Variants in ZNRF2 observed in about 807,000 individuals in gnomAD.
The protein encoded by ZNRF2 is E3 ubiquitin-protein ligase ZNRF2.
A neutral mutation model predicts 20.4 loss-of-function variants in ZNRF2; 16 were observed. That is an observed-to-expected ratio of 0.79 (90% CI 0.53 to 1.19). The LOEUF (loss-of-function observed/expected upper bound fraction) is 1.19, where lower values mean the gene tolerates loss of function less well. ZNRF2 is among the 50% of genes most tolerant of loss of function. ZNRF2 has a pLI of 0.00. For missense variants in ZNRF2, 363 were observed against 332.4 expected (o/e 1.09, Z -0.72); for synonymous variants, 178 against 144.9 (o/e 1.23, Z -1.64).
intron 3 of ZNRF2, among the ~76,000 whole-genome samples, chr7:30,357,565 CAAAG>C (rs1311927466): frequency 6.6e-6 from 1 of 151,546 alleles, no homozygotes; most frequent in African/African-American, 2.4e-5. Context: ...AGAATAAACA[CAAAG>C]AAAATAGAAA....
chr7:30,344,679 C>T (rs1410656650), intron 2 of ZNRF2, among the ~76,000 whole-genome samples: 2 of 152,178 alleles, frequency 1.3e-5, no homozygotes, highest in Non-Finnish European at 2.9e-5. Context: ...ATTCAGCTGC[C>T]ACTGCTAATC....
At chr7:30,324,797 T>C (rs1035357631) in intron 2 of ZNRF2, among the ~76,000 whole-genome samples, 2 of 152,150 alleles carry the variant, frequency 1.3e-5, no homozygotes, top group Non-Finnish European at 2.9e-5. Flanking sequence ...ATGGTTGAAA[T>C]TGCAACTTTT....
rs115857913 is a variant in ZNRF2 at position 30,332,680 on chromosome 7, C to G, written c.565+8943C>G. Among the ~76,000 whole-genome samples the G allele has an allele frequency of 8.7e-3, 1,321 of 152,254 alleles. 22 individuals are homozygous for G. The highest frequency in any genetic ancestry group is 0.03 in the African/African-American group (1,230 of 41,548). On this transcript the variant is annotated intron_variant, in intron 2 of 4. Coordinates refer to ENST00000323037, the MANE Select transcript of ZNRF2 (RefSeq NM_147128.4). ...TTAGTATAATGGCCTCTAGCTGCAT[C>G]CATATTGCTGCAAATGATATTGTTT... is the stretch of plus-strand genomic sequence containing the variant.
At chr7:30,349,278 G>A (rs1305417751) in intron 2 of ZNRF2, among the ~76,000 whole-genome samples, 1 of 152,120 alleles carries the variant, frequency 6.6e-6, no homozygotes, top group Non-Finnish European at 1.5e-5. Flanking sequence ...GCTCAAGCCT[G>A]TTCTTTTTCC....
rs189289415 is a variant in ZNRF2 at position 30,314,325 on chromosome 7, A to G, written c.470-9317A>G. 6.7e-3 allele frequency among the ~76,000 whole-genome samples: 1,011 copies of G among 151,918 alleles called. 16 individuals carry two copies. Among genetic ancestry groups the G allele is most frequent in the African/African-American group, 0.024 (972 of 41,188 alleles). ...TATGGGGCACACGTAACATTACATTACATAACATAACATTGTACAACATAG... is the reference window on the plus strand; with the variant it reads ...TATGGGGCACACGTAACATTACATTGCATAACATAACATTGTACAACATAG... On this transcript the variant is annotated intron_variant, in intron 1 of 4. Transcript: ENST00000323037.
rs144218944 is a variant in ZNRF2, at chr7:30,323,935, GT to G, written c.565+203del. On this transcript the variant is annotated intron_variant, in intron 2 of 4. Transcript: ENST00000323037. ...AAAAAATTACTGAGGACTTCAAAGA[GT>G]TTTTCTTTACTTGGGTTATATCTAT... Among the ~76,000 whole-genome samples, 1,185 of 152,066 alleles carry G rather than the reference GT, an allele frequency of 7.8e-3. 14 individuals are homozygous for G. The highest frequency in any genetic ancestry group is 0.026 in the African/African-American group (1,076 of 41,480).
Position 30,366,657 on chromosome 7 carries a change from TTTAAA to T in ZNRF2, c.*651_*655del, listed in dbSNP as rs1355772121. On this transcript the variant is annotated 3_prime_UTR_variant, in exon 5 of 5. Transcript: ENST00000323037. ...AGGAAAGCTAAAATATGTTAATATT[TTTAAA>T]TTAAAGGTTTAATATCAGAATGCAG... 1.3e-5 allele frequency: 2 copies of T among 152,564 alleles called. No homozygotes were observed. Among genetic ancestry groups the T allele is most frequent in the Non-Finnish European group, 2.9e-5 (2 of 67,986 alleles). The allele number at this position is 152,564 out of a possible 1,614,324, so 9.5% of individuals were successfully genotyped here. A position where few individuals can be genotyped will look rare whatever the true frequency, so the allele number is the denominator to read the frequency against.
At chr7:30,304,512 A>G (rs936656919) in intron 1 of ZNRF2, among the ~76,000 whole-genome samples, 4 of 152,232 alleles carry the variant, frequency 2.6e-5, no homozygotes, top group African/African-American at 7.2e-5. Flanking sequence ...TAGGAAACTT[A>G]AAAATGCTTG....
chr7:30,292,921 C>CAG (rs1490845717), intron 1 of ZNRF2, among the ~76,000 whole-genome samples: 1 of 152,054 alleles, frequency 6.6e-6, no homozygotes, highest in East Asian at 1.9e-4. Context: ...TATTTTTGTG[C>CAG]AGAGGATTGA....
intron 1 of ZNRF2, among the ~76,000 whole-genome samples, chr7:30,313,353 C>G (rs1404253453): frequency 6.6e-6 from 1 of 152,102 alleles, no homozygotes; most frequent in South Asian, 2.1e-4. Context: ...ATCTAAGACC[C>G]AGGTGAAACT....
At chr7:30,285,934 C>T (rs1798779365) in intron 1 of ZNRF2, 108 bp downstream of exon 1, 1 of 1,327,368 alleles carries the variant, frequency 7.5e-7, no homozygotes, top group African/African-American at 1.5e-5. Flanking sequence ...GCCGGGGCGC[C>T]GGGGGCTGCC....
chr7:30,333,036 A>G lies in ZNRF2; in HGVS notation c.565+9299A>G, dbSNP rs565301224. Among the ~76,000 whole-genome samples the G allele has an allele frequency of 3.4e-5, 5 of 147,908 alleles. No individual in the cohort carries two copies. The South Asian group carries it at 1.1e-3, about 32-fold the overall frequency. ...TTGCCTTTGCTCCATATCCTCACCA[A>G]CCTCTGTTATATTTTGACTTTTTTT... On this transcript the variant is annotated intron_variant, in intron 2 of 4. Transcript: ENST00000323037.
chr7:30,289,560 C>A (rs920324264), intron 1 of ZNRF2, among the ~76,000 whole-genome samples: 4 of 152,186 alleles, frequency 2.6e-5, no homozygotes, highest in African/African-American at 9.6e-5. Flanking sequence ...AGCCTTCTAA[C>A]CACAACCCCT....
chr7:30,353,456 C>T (rs977455957), intron 2 of ZNRF2, among the ~76,000 whole-genome samples: 20 of 152,120 alleles, frequency 1.3e-4, no homozygotes, highest in Non-Finnish European at 2.4e-4. Flanking sequence ...ATGACTTTAA[C>T]CCAGCATTCT....
Position 30,285,235 on chromosome 7 carries a change from A to C in ZNRF2, c.-123A>C. 1 of 721,856 alleles carries C rather than the reference A, an allele frequency of 1.4e-6. No individual in the cohort carries two copies. The highest frequency in any genetic ancestry group is 1.8e-6 in the Non-Finnish European group (1 of 547,394). The allele number at this position is 721,856 out of a possible 1,614,324, so 44.7% of individuals were successfully genotyped here. ...TCTGGACGCCGGGCGGCGGCCCTGG[A>C]CGTGCGGGGGCCTCTCTGGGCCGGC... On this transcript the variant is annotated 5_prime_UTR_variant, in exon 1 of 5. Transcript: ENST00000323037.
chr7:30,342,685 G>T (rs904866858), intron 2 of ZNRF2, among the ~76,000 whole-genome samples: 1 of 152,038 alleles, frequency 6.6e-6, no homozygotes, highest in African/African-American at 2.4e-5. Flanking sequence ...CGTTTTCTGA[G>T]TTTATTGTGT....
chr7:30,284,854 G>T lies in ZNRF2; in HGVS notation c.-504G>T. ...CCGTTAATAACAGCTGGGTGGCTGG[G>T]GGAGGAGGGAAGGTGGCCCCGGCGG... is the stretch of plus-strand genomic sequence containing the variant. On this transcript the variant is annotated 5_prime_UTR_variant, in exon 1 of 5. Coordinates refer to ENST00000323037, the MANE Select transcript of ZNRF2 (RefSeq NM_147128.4). 1 of 224,454 alleles carries T rather than the reference G, an allele frequency of 4.5e-6. No individual in the cohort carries two copies. The highest frequency in any genetic ancestry group is 9.4e-6 in the Non-Finnish European group (1 of 106,898). The allele number at this position is 224,454 out of a possible 1,614,324, so 13.9% of individuals were successfully genotyped here. A position where few individuals can be genotyped will look rare whatever the true frequency, so the allele number is the denominator to read the frequency against.
At position 30,296,980 on chromosome 7, in the gene ZNRF2, GTAT is replaced by G. The variant is rs1221021913; in HGVS notation, c.469+11156_469+11158del. On this transcript the variant is annotated intron_variant, in intron 1 of 4. Coordinates refer to ENST00000323037, the MANE Select transcript of ZNRF2 (RefSeq NM_147128.4). Reference sequence around the variant, plus strand: ...TTAGAAGTTAGATCAACCACTTGTAGTATTTTAAGTGTGAGTTATTCTGTATTT... The same window carrying G: ...TTAGAAGTTAGATCAACCACTTGTAGTTTAAGTGTGAGTTATTCTGTATTT... 2.0e-5 allele frequency among the ~76,000 whole-genome samples: 3 copies of G among 152,156 alleles called. No homozygotes were observed. In the East Asian group the frequency reaches 5.8e-4, roughly 29 times the overall value.
At chr7:30,316,883 C>A (rs1562610650) in intron 1 of ZNRF2, among the ~76,000 whole-genome samples, 1 of 152,174 alleles carries the variant, frequency 6.6e-6, no homozygotes, top group Non-Finnish European at 1.5e-5. Flanking sequence ...CAGAACAGAT[C>A]CTACCAGTAA....
Sources: gnomAD v4.1 joint callset for allele counts (sites outside exome capture counted in the v4.1 genomes callset) on GRCh38, gnomAD v4.1.1 for gene constraint, MANE v1.5 for transcripts, NCBI Gene and HGNC (gene_info 2026-07-23, HGNC 2026-07-21) for gene names.